Variants in HAT1 observed in about 807,000 individuals in gnomAD.
The protein encoded by HAT1 is histone acetyltransferase 1.
In HAT1, 20 loss-of-function variants were observed where a neutral mutation model predicts 56.6. That is an observed-to-expected ratio of 0.35 (90% CI 0.25 to 0.51). The LOEUF is 0.51. HAT1 is among the 20% of genes least tolerant of loss of function. HAT1 has a pLI of 0.95. For synonymous variants in HAT1, 146 were observed against 165.5 expected (o/e 0.88, Z 0.91); for missense variants, 408 against 504.3 (o/e 0.81, Z 1.83).
chr2:171,935,968 G>T (rs1208567220), intron 2 of HAT1, among the ~76,000 whole-genome samples: 1 of 152,110 alleles, frequency 6.6e-6, no homozygotes. Flanking sequence ...TACAATGTTT[G>T]AAATAGAGAT....
rs55809342 is a variant in HAT1, at chr2:171,969,996, A to T, written c.823+3047A>T. 2.8e-4 allele frequency among the ~76,000 whole-genome samples: 42 copies of T among 152,006 alleles called. No individual in the cohort carries two copies. The South Asian group carries it at 3.3e-3, about 12-fold the overall frequency. ...GGGAGATTCCCGTCTCTATAAAAAAATTTTTTTTAATTAGCTGGATATGGT... is the reference window on the plus strand; with the variant it reads ...GGGAGATTCCCGTCTCTATAAAAAATTTTTTTTTAATTAGCTGGATATGGT... On this transcript the variant is annotated intron_variant, in intron 8 of 10. Coordinates refer to ENST00000264108, the MANE Select transcript of HAT1 (RefSeq NM_003642.4).
chr2:171,942,189 G>C (rs1687034887), intron 2 of HAT1, among the ~76,000 whole-genome samples: 1 of 152,206 alleles, frequency 6.6e-6, no homozygotes, highest in Non-Finnish European at 1.5e-5. Context: ...ACAGGCATGA[G>C]CCACTGTGCC....
In HAT1 at chr2:171,976,194, C is replaced by T. The variant is rs746149581; in HGVS notation, c.861C>T (p.Asp287=). The T allele has an allele frequency of 1.9e-6, 3 of 1,594,992 alleles. No individual in the cohort carries two copies. In the African/African-American group the frequency reaches 4.0e-5, roughly 22 times the overall value. ...DPSKSYVKLR[D]FVLVKLCQDL... ...CCAAAAGCTATGTGAAATTACGAGACTTTGTGCTTGTGAAGCTTTGTCAAG... is the reference window on the plus strand; with the variant it reads ...CCAAAAGCTATGTGAAATTACGAGATTTTGTGCTTGTGAAGCTTTGTCAAG... The change falls in exon 9 of 11, where the codon GAC becomes GAT. Residue 287 remains aspartate (D), a synonymous_variant. Coordinates refer to ENST00000264108, the MANE Select transcript of HAT1 (RefSeq NM_003642.4).
chr2:171,966,759 GTGTT>G (rs1687692338), intron 7 of HAT1, 80 bp from the exon 8 acceptor site: 2 of 686,386 alleles, frequency 2.9e-6, no homozygotes, highest in Non-Finnish European at 5.1e-6. Flanking sequence ...AAACTTTAAA[GTGTT>G]TGTAATACTA....
chr2:171,973,250 C>T (rs1271628464), intron 8 of HAT1, among the ~76,000 whole-genome samples: 2 of 152,130 alleles, frequency 1.3e-5, no homozygotes, highest in Non-Finnish European at 2.9e-5. Context: ...CCTTTAGGCA[C>T]AGAGGCTCTG....
At chr2:171,927,559 A>G (rs774888557) in intron 2 of HAT1, among the ~76,000 whole-genome samples, 4 of 152,078 alleles carry the variant, frequency 2.6e-5, no homozygotes, top group African/African-American at 9.7e-5. Flanking sequence ...CATTTCTCCA[A>G]GGATCCCTGG....
At chr2:171,952,351 G>T (rs1687330026) in intron 3 of HAT1, among the ~76,000 whole-genome samples, 1 of 152,216 alleles carries the variant, frequency 6.6e-6, no homozygotes. Context: ...GGGAGCAGGG[G>T]TGGAAGAATT....
In HAT1 at chr2:171,927,404, T is replaced by C. The variant is rs967221604; in HGVS notation, c.112+1763T>C. Among the ~76,000 whole-genome samples the C allele has an allele frequency of 6.0e-4, 91 of 152,206 alleles. 1 individual carries two copies. The highest frequency in any genetic ancestry group is 2.1e-3 in the African/African-American group (85 of 41,456). ...CATGCAGAAAATACTTGGTAAGGGC[T>C]GAGTGGAGTGACTGGATGTGGTTGC... is the stretch of plus-strand genomic sequence containing the variant. On this transcript the variant is annotated intron_variant, in intron 2 of 10. Transcript: ENST00000264108.
chr2:171,948,850 A>T (rs867462256), intron 3 of HAT1, among the ~76,000 whole-genome samples: 2 of 152,242 alleles, frequency 1.3e-5, no homozygotes, highest in Admixed American at 6.5e-5. Flanking sequence ...AGTGTATCAC[A>T]TCAGGAAGTC....
chr2:171,949,457 T>C (rs898797204), intron 3 of HAT1, among the ~76,000 whole-genome samples: 1 of 152,214 alleles, frequency 6.6e-6, no homozygotes, highest in South Asian at 2.1e-4. Flanking sequence ...GCGGGAGGTT[T>C]GCCTGAGCCA....
intron 8 of HAT1, among the ~76,000 whole-genome samples, chr2:171,972,484 T>C (rs1687841440): frequency 6.6e-6 from 1 of 152,182 alleles, no homozygotes; most frequent in Non-Finnish European, 1.5e-5. Context: ...AGGCTGGTCT[T>C]GAACTCCAGG....
chr2:171,957,465 T>A (rs1377710194), intron 4 of HAT1, among the ~76,000 whole-genome samples: 1 of 152,200 alleles, frequency 6.6e-6, no homozygotes, highest in Non-Finnish European at 1.5e-5. Context: ...TTTTCTAATT[T>A]CACAGGTTCA....
chr2:171,974,137 C>G (rs1412335654), intron 8 of HAT1, among the ~76,000 whole-genome samples: 1 of 121,304 alleles, frequency 8.2e-6, no homozygotes, highest in Non-Finnish European at 1.6e-5. Context: ...CAAGATCGTA[C>G]ACTGCACTGC....
chr2:171,983,190 G>T lies in HAT1; in HGVS notation c.1098G>T (p.Lys366Asn). 6.5e-7 allele frequency: 1 copy of T among 1,547,042 alleles called. No homozygotes were observed. Among genetic ancestry groups the T allele is most frequent in the Non-Finnish European group, 8.7e-7 (1 of 1,143,838 alleles). Reference protein sequence around the residue: ...KRRLISPYKKKQRDLAKMRKC... With the variant: ...KRRLISPYKKNQRDLAKMRKC... ...AATAATTGTTTGTCACTTAGAAAAA[G>T]CAGAGAGATCTTGCTAAGATGAGAA... The change falls in exon 11 of 11, where the codon AAG becomes AAT. Residue 366 changes from lysine to asparagine, a missense_variant. Lys to Asn is a moderately conservative substitution (Grantham distance 94). Transcript: ENST00000264108.
At chr2:171,928,997 C>T (rs1686668887) in intron 2 of HAT1, among the ~76,000 whole-genome samples, 1 of 152,072 alleles carries the variant, frequency 6.6e-6, no homozygotes. Flanking sequence ...GTATGTTTAA[C>T]TTTATGGGAT....
At chr2:171,948,418 T>C (rs1468528418) in intron 3 of HAT1, among the ~76,000 whole-genome samples, 1 of 152,092 alleles carries the variant, frequency 6.6e-6, no homozygotes, top group Non-Finnish European at 1.5e-5. Context: ...AGAGACGGGG[T>C]TTCACCATCT....
intron 2 of HAT1, among the ~76,000 whole-genome samples, chr2:171,933,543 A>G (rs1005801859): frequency 6.6e-6 from 1 of 152,116 alleles, no homozygotes; most frequent in African/African-American, 2.4e-5. Context: ...AAAAAAGAAA[A>G]AAAAATTTAC....
At chr2:171,973,205 G>A (rs1183428597) in intron 8 of HAT1, among the ~76,000 whole-genome samples, 2 of 152,056 alleles carry the variant, frequency 1.3e-5, no homozygotes. Context: ...ATATTGTACT[G>A]CCTTGCTTAG....
intron 4 of HAT1, among the ~76,000 whole-genome samples, chr2:171,958,828 A>G (rs945472332): frequency 6.6e-6 from 1 of 152,188 alleles, no homozygotes; most frequent in Non-Finnish European, 1.5e-5. Flanking sequence ...TCTTTTGCCA[A>G]CCCTATGCCC....
Sources: gnomAD v4.1 joint callset for allele counts (sites outside exome capture counted in the v4.1 genomes callset) on GRCh38, gnomAD v4.1.1 for gene constraint, MANE v1.5 for transcripts, NCBI Gene and HGNC (gene_info 2026-07-23, HGNC 2026-07-21) for gene names.